The following CSN1S1 variants were observed in gnomAD, a reference collection of about 807,000 sequenced individuals.
CSN1S1 encodes the protein alpha-S1-casein.
CSN1S1 carries 63 observed loss-of-function variants against 49.1 expected under a neutral mutation model. That is an observed-to-expected ratio of 1.28 (90% CI 1.05 to 1.58). The LOEUF is 1.58. CSN1S1 is among the 40% of genes most tolerant of loss of function. The pLI, the probability that CSN1S1 is intolerant of heterozygous loss-of-function variation, is 0.00. For missense variants in CSN1S1, 260 were observed against 224.7 expected, an observed-to-expected ratio of 1.16 and a Z score of -1.01; for synonymous variants, 78 against 67.1, an observed-to-expected ratio of 1.16 and a Z score of -0.79.
intron 15 of CSN1S1, among the ~76,000 whole-genome samples, chr4:69,945,255 G>T (rs2109732509): frequency 6.6e-6 from 1 of 152,038 alleles, no homozygotes; most frequent in South Asian, 2.1e-4. Flanking sequence ...AATGAGCCTG[G>T]AAAATAACTT....
chr4:69,940,751 G>C (rs1194433997), intron 11 of CSN1S1, among the ~76,000 whole-genome samples: 1 of 151,638 alleles, frequency 6.6e-6, no homozygotes, highest in African/African-American at 2.4e-5. Flanking sequence ...TAATAATTCT[G>C]ATATATTGTA....
intron 4 of CSN1S1, among the ~76,000 whole-genome samples, chr4:69,935,723 C>T (rs10011226): frequency 5.9e-5 from 9 of 152,026 alleles, no homozygotes; most frequent in Non-Finnish European, 8.8e-5. Context: ...CTTTCCGTGA[C>T]GTATGTAGAG....
chr4:69,940,861 C>T (rs1434708928), intron 11 of CSN1S1, among the ~76,000 whole-genome samples, 158 bp from the exon 12 acceptor site: 1 of 151,544 alleles, frequency 6.6e-6, no homozygotes, highest in Non-Finnish European at 1.5e-5. Context: ...TGGAAGAGAT[C>T]CAAATTATTT....
chr4:69,941,979 G>A, intron 12 of CSN1S1, 67 bp from the exon 13 acceptor site: 2 of 1,023,426 alleles, frequency 2.0e-6, no homozygotes, highest in East Asian at 2.6e-5. Flanking sequence ...AAGGTACCCA[G>A]CAAATGTTTC....
chr4:69,945,202 CAT>C (rs1400931772), intron 15 of CSN1S1, among the ~76,000 whole-genome samples, 198 bp downstream of exon 15: 1 of 151,892 alleles, frequency 6.6e-6, no homozygotes, highest in Non-Finnish European at 1.5e-5. Flanking sequence ...TTCTTAGTAA[CAT>C]GTGGAACAGT....
At position 69,939,527 on chromosome 4, in the gene CSN1S1, T is replaced by C. The variant is rs115618542; in HGVS notation, c.276+319T>C. Among the ~76,000 whole-genome samples the C allele has an allele frequency of 7.3e-3, 1,113 of 151,864 alleles. 7 individuals are homozygous for C. The highest frequency in any genetic ancestry group is 0.012 in the Non-Finnish European group (805 of 67,758). On this transcript the variant is annotated intron_variant, in intron 10 of 15. Transcript: ENST00000246891. ...TCTTATCATTAAAAATTCTAACAAT[T>C]ACCATGCTTATAAACCCATGAAGTA...
intron 10 of CSN1S1, 47 bp downstream of exon 10, chr4:69,939,255 T>C (rs747820273): frequency 6.5e-6 from 9 of 1,387,398 alleles, no homozygotes; most frequent in Non-Finnish European, 8.1e-6. Flanking sequence ...ATTTAAAAAA[T>C]TATGAAAACT....
At chr4:69,943,090 A>C (rs1329866337) in intron 14 of CSN1S1, among the ~76,000 whole-genome samples, 1 of 151,348 alleles carries the variant, frequency 6.6e-6, no homozygotes, top group South Asian at 2.1e-4. Context: ...TGGCTAAAGT[A>C]AAAAGAAAAT....
At chr4:69,935,388 GA>G (rs80160315) in intron 4 of CSN1S1, among the ~76,000 whole-genome samples, 178 of 139,646 alleles carry the variant, frequency 1.3e-3, no homozygotes, top group Middle Eastern at 3.7e-3. Flanking sequence ...AAAAAATTTT[GA>G]AAAAAAAAAA....
chr4:69,946,070 A>G (rs967276572), intron 15 of CSN1S1, 126 bp from the exon 16 acceptor site: 16 of 339,682 alleles, frequency 4.7e-5, no homozygotes, highest in Middle Eastern at 3.5e-4. Context: ...ACAGGAAAGC[A>G]TAAATAACAT....
intron 11 of CSN1S1, 144 bp downstream of exon 11, chr4:69,940,188 G>T (rs1162350743): frequency 2.5e-6 from 1 of 399,748 alleles, no homozygotes; most frequent in Non-Finnish European, 4.5e-6. Context: ...TGGAAAGGTG[G>T]CATTAAAGTT....
intron 7 of CSN1S1, 46 bp downstream of exon 7, chr4:69,936,653 T>C: frequency 6.6e-7 from 1 of 1,524,180 alleles, no homozygotes; most frequent in Non-Finnish European, 8.8e-7. Context: ...TATATATTCT[T>C]GTAGTAGAAA....
chr4:69,940,939 T>G, intron 11 of CSN1S1, 80 bp from the exon 12 acceptor site: 1 of 714,448 alleles, frequency 1.4e-6, no homozygotes, highest in Non-Finnish European at 2.3e-6. Flanking sequence ...CATTGTTAGA[T>G]TCTTGTTTCA....
intron 12 of CSN1S1, 35 bp from the exon 13 acceptor site, chr4:69,942,011 G>A: frequency 7.3e-7 from 1 of 1,377,732 alleles, no homozygotes; most frequent in Non-Finnish European, 9.8e-7. Context: ...TAAATAAAAT[G>A]AAAATACTAA....
Position 69,936,457 on chromosome 4 carries a change from A to G in CSN1S1, c.131A>G (p.Glu44Gly), listed in dbSNP as rs1260609951. The G allele has an allele frequency of 6.4e-7, 1 of 1,552,670 alleles. No homozygotes were observed. The highest frequency in any genetic ancestry group is 2.3e-5 in the East Asian group (1 of 44,400). Reference protein sequence around the residue: ...SEPIPLESREEYMNGMNRQRN... With the variant: ...SEPIPLESREGYMNGMNRQRN... ...TATGTTTTCTTTTTTATCCCTAAGG[A>G]ATACATGAATGGTATGAACAGGGTA... Residue 44 changes from glutamate (E) to glycine (G), a missense_variant and splice_region_variant, in exon 6 of 16, where the codon GAA (glutamate) becomes GGA (glycine). Transcript: ENST00000246891.
Position 69,936,590 on chromosome 4 carries a change from C to T in CSN1S1, c.178C>T (p.Gln60Ter), listed in dbSNP as rs771507664. 1 of 1,605,916 alleles carries T rather than the reference C, an allele frequency of 6.2e-7. No individual in the cohort carries two copies. Among genetic ancestry groups the T allele is most frequent in the Non-Finnish European group, 8.5e-7 (1 of 1,175,652 alleles). The change falls in exon 7 of 16, where the codon CAG becomes TAG. Residue 60 changes from glutamine to a stop codon, truncating the protein, a stop_gained. Transcript: ENST00000246891. LOFTEE classifies it high-confidence loss of function. Reference sequence around the variant, plus strand: ...GCAGAGAAACATTCTGAGAGAAAAACAGACTGATGAAATCAAGGTACCAAA... The same window carrying T: ...GCAGAGAAACATTCTGAGAGAAAAATAGACTGATGAAATCAAGGTACCAAA... ...NRQRNILREK[Q>*]TDEIKDTRNE...
chr4:69,932,980 T>C (rs1173849864), intron 2 of CSN1S1, among the ~76,000 whole-genome samples: 1 of 151,986 alleles, frequency 6.6e-6, no homozygotes, highest in African/African-American at 2.4e-5. Flanking sequence ...ATGTAATAGT[T>C]GTCCAACATT....
At chr4:69,935,787 A>G (rs1722759077) in intron 4 of CSN1S1, 139 bp from the exon 5 acceptor site, 5 of 661,344 alleles carry the variant, frequency 7.6e-6, no homozygotes, top group Middle Eastern at 4.1e-4. Context: ...TAAATAATAC[A>G]TATGTGTCAC....
At chr4:69,934,600 C>G in intron 3 of CSN1S1, 90 bp from the exon 4 acceptor site, 1 of 1,173,290 alleles carries the variant, frequency 8.5e-7, no homozygotes, top group Non-Finnish European at 1.3e-6. Flanking sequence ...GAATTAGTTA[C>G]CTCTACCACA....
Sources: gnomAD v4.1 joint callset for allele counts (sites outside exome capture counted in the v4.1 genomes callset) on GRCh38, gnomAD v4.1.1 for gene constraint, MANE v1.5 for transcripts, NCBI Gene and HGNC (gene_info 2026-07-23, HGNC 2026-07-21) for gene names.